The following APP variants were observed in gnomAD, a reference collection of about 807,000 sequenced individuals.
The protein encoded by APP is amyloid beta precursor protein.
In APP, 31 loss-of-function variants were observed where a neutral mutation model predicts 101.4. The observed-to-expected ratio is 0.31, with a 90% CI of 0.23 to 0.41. The LOEUF (loss-of-function observed/expected upper bound fraction) is 0.41. Ranked by LOEUF, APP falls within the 10% of genes least tolerant of loss-of-function variation. The pLI is 1.00. For synonymous variants in APP, 366 were observed against 364.4 expected (o/e 1.00, Z -0.05); for missense variants, 839 against 1,003.7 (o/e 0.84, Z 2.22).
At chr21:25,910,669 T>C (rs1377836070) in intron 14 of APP, among the ~76,000 whole-genome samples, 1 of 152,208 alleles carries the variant, frequency 6.6e-6, no homozygotes, top group Non-Finnish European at 1.5e-5. Context: ...CATCTACTGC[T>C]CAAATTTGTT....
intron 1 of APP, among the ~76,000 whole-genome samples, chr21:26,113,588 T>C (rs1413249858): frequency 1.3e-5 from 2 of 152,190 alleles, no homozygotes; most frequent in African/African-American, 4.8e-5. Flanking sequence ...TGCCTTTACA[T>C]TGCCAGATGG....
intron 10 of APP, 83 bp downstream of exon 10, chr21:25,975,871 G>T: frequency 9.3e-7 from 1 of 1,075,784 alleles, no homozygotes; most frequent in Non-Finnish European, 1.4e-6. Flanking sequence ...GTGAGGTGCT[G>T]GCAGATAAAG....
chr21:26,089,754 A>C, intron 3 of APP, 189 bp downstream of exon 3: 1 of 687,762 alleles, frequency 1.5e-6, no homozygotes, highest in Non-Finnish European at 2.3e-6. Flanking sequence ...GAGGCAGGGA[A>C]CTCAAAAATA....
chr21:26,095,950 C>A (rs1370803008), intron 2 of APP, among the ~76,000 whole-genome samples: 1 of 152,274 alleles, frequency 6.6e-6, no homozygotes, highest in South Asian at 2.1e-4. Flanking sequence ...AAAAAGGACT[C>A]GAGATACTTA....
intron 14 of APP, among the ~76,000 whole-genome samples, chr21:25,908,372 G>A (rs551403284): frequency 6.6e-6 from 1 of 152,170 alleles, no homozygotes; most frequent in Non-Finnish European, 1.5e-5. Flanking sequence ...TTGTTCTTAA[G>A]AAAAACAACA....
At chr21:25,946,251 G>A (rs2040816435) in intron 13 of APP, among the ~76,000 whole-genome samples, 2 of 152,228 alleles carry the variant, frequency 1.3e-5, no homozygotes, top group Admixed American at 1.3e-4. Context: ...ATTTTTGTGT[G>A]TCAAAAGGAT....
chr21:25,965,956 T>C (rs1485454213), intron 11 of APP, among the ~76,000 whole-genome samples: 1 of 152,164 alleles, frequency 6.6e-6, no homozygotes, highest in Non-Finnish European at 1.5e-5. Context: ...TGAAGACCTA[T>C]TTGCATTCTG....
intron 3 of APP, among the ~76,000 whole-genome samples, chr21:26,071,300 C>T (rs1374128286): frequency 6.6e-6 from 1 of 152,096 alleles, no homozygotes; most frequent in African/African-American, 2.4e-5. Context: ...TCCTATTACC[C>T]CAAACGTCTT....
chr21:26,137,396 CCTT>C (rs10581495), intron 1 of APP, among the ~76,000 whole-genome samples: 13,978 of 152,140 alleles, frequency 0.092, 877 homozygotes, highest in Admixed American at 0.15. Context: ...GGGTTACTGC[CCTT>C]TTTTTAAACC....
chr21:25,950,142 A>G (rs1464014710), intron 13 of APP, among the ~76,000 whole-genome samples: 2 of 152,184 alleles, frequency 1.3e-5, no homozygotes, highest in African/African-American at 2.4e-5. Flanking sequence ...CCACTGCCAC[A>G]TCTCTATATG....
At chr21:26,074,682 C>T (rs2012155) in intron 3 of APP, among the ~76,000 whole-genome samples, 34,568 of 151,576 alleles carry the variant, frequency 0.23, 3,997 homozygotes, top group Admixed American at 0.28. Context: ...ACCCGGGAGG[C>T]GGAGGTTGCA....
chr21:26,041,009 C>T (rs1389598637), intron 5 of APP, among the ~76,000 whole-genome samples: 1 of 152,216 alleles, frequency 6.6e-6, no homozygotes, highest in Non-Finnish European at 1.5e-5. Context: ...AGCTAGTTAG[C>T]TCCCACTTGG....
chr21:26,031,008 C>A (rs930333181), intron 5 of APP, among the ~76,000 whole-genome samples: 1 of 151,974 alleles, frequency 6.6e-6, no homozygotes, highest in Non-Finnish European at 1.5e-5. Flanking sequence ...ACTAAAACAA[C>A]GATGTTACAC....
intron 3 of APP, among the ~76,000 whole-genome samples, chr21:26,069,097 G>A (rs2046573804): frequency 1.3e-5 from 2 of 152,156 alleles, no homozygotes; most frequent in South Asian, 4.1e-4. Flanking sequence ...CATGACTCCT[G>A]CTGAACACAT....
intron 3 of APP, among the ~76,000 whole-genome samples, chr21:26,075,245 T>C (rs116923320): frequency 2.0e-5 from 3 of 152,258 alleles, no homozygotes; most frequent in Non-Finnish European, 4.4e-5. Flanking sequence ...TTTCAGTGAA[T>C]TGACAAAAGT....
At chr21:25,934,284 T>TGA (rs45527535) in intron 13 of APP, 151,415 of 152,250 alleles carry the variant, frequency 0.99, 75,292 homozygotes, top group East Asian at 1. Flanking sequence ...AATGAGATAA[T>TGA]GAGAGTATAT....
chr21:25,897,271 C>A (rs2038125412), intron 16 of APP, among the ~76,000 whole-genome samples: 2 of 152,134 alleles, frequency 1.3e-5, no homozygotes, highest in Admixed American at 6.6e-5. Flanking sequence ...TGCCACCACA[C>A]CCAGCTAATC....
intron 8 of APP, among the ~76,000 whole-genome samples, chr21:25,994,093 G>A (rs2042966046): frequency 6.6e-6 from 1 of 152,194 alleles, no homozygotes; most frequent in Admixed American, 6.5e-5. Context: ...GAGTTGGTCT[G>A]TTTGCCTTTT....
intron 1 of APP, among the ~76,000 whole-genome samples, chr21:26,156,462 C>T (rs1314939964): frequency 1.3e-5 from 2 of 152,138 alleles, no homozygotes; most frequent in African/African-American, 2.4e-5. Flanking sequence ...TTTCTCACAA[C>T]GTATTCTTGG....
Sources: gnomAD v4.1 joint callset for allele counts (sites outside exome capture counted in the v4.1 genomes callset) on GRCh38, gnomAD v4.1.1 for gene constraint, MANE v1.5 for transcripts, NCBI Gene and HGNC (gene_info 2026-07-23, HGNC 2026-07-21) for gene names.